UGGT1: variants seen among roughly 807,000 people sequenced by gnomAD.
UGGT1 encodes the protein UDP-glucose glycoprotein glucosyltransferase 1, also known as UDP-glucose:glycoprotein glucosyltransferase 1.
In UGGT1, 107 loss-of-function variants were observed where a neutral mutation model predicts 203.9. The ratio of observed to expected loss-of-function variants is 0.52; its 90% CI spans 0.45 to 0.62. The LOEUF is 0.62. UGGT1 is among the 20% of genes least tolerant of loss of function. The pLI is 0.00. For synonymous variants in UGGT1, 628 were observed against 653.5 expected, an observed-to-expected ratio of 0.96 and a Z score of 0.59; for missense variants, 1,673 against 1,867.2, an observed-to-expected ratio of 0.90 and a Z score of 1.92.
intron 5 of UGGT1, among the ~76,000 whole-genome samples, chr2:128,112,466 A>ATATATATATG (rs1400692529): frequency 8.0e-6 from 1 of 125,734 alleles, no homozygotes; most frequent in Non-Finnish European, 1.7e-5. Context: ...ATATATATAT[A>ATATATATATG]TATATATTAC....
chr2:128,172,970 G>A (rs913676892), intron 29 of UGGT1, among the ~76,000 whole-genome samples: 1 of 152,100 alleles, frequency 6.6e-6, no homozygotes, highest in Non-Finnish European at 1.5e-5. Context: ...GAGTTGTGCA[G>A]CCATCACCAC....
At chr2:128,163,065 T>C (rs1192738607) in intron 25 of UGGT1, among the ~76,000 whole-genome samples, 1 of 152,214 alleles carries the variant, frequency 6.6e-6, no homozygotes, top group African/African-American at 2.4e-5. Context: ...GAAGCTTGGC[T>C]GTGTATACTT....
At chr2:128,121,160 A>G in intron 9 of UGGT1, 39 bp from the exon 10 acceptor site, 2 of 1,569,004 alleles carry the variant, frequency 1.3e-6, no homozygotes, top group Non-Finnish European at 1.8e-6. Flanking sequence ...TCATTGCATT[A>G]GATTAATCCA....
At chr2:128,165,620 C>T (rs189322526) in intron 26 of UGGT1, among the ~76,000 whole-genome samples, 5 of 152,198 alleles carry the variant, frequency 3.3e-5, no homozygotes, top group Non-Finnish European at 1.5e-5. Context: ...TCGCTTGAAC[C>T]CAGGAGGTAG....
chr2:128,133,809 A>T (rs763440058), intron 14 of UGGT1, among the ~76,000 whole-genome samples: 2 of 152,154 alleles, frequency 1.3e-5, no homozygotes, highest in South Asian at 4.1e-4. Flanking sequence ...AGTTTAATTT[A>T]TTCCCTTAAA....
chr2:128,138,642 G>T lies in UGGT1; in HGVS notation c.1584-75G>T, dbSNP rs1689260422. The stretch of plus-strand genomic sequence containing the variant: ...CTGTTAGCTATAATGTATGAGAAGG[G>T]TACAAGGATGTCATTCTTTTTAACC... On this transcript the variant is annotated intron_variant, in intron 15 of 40. Coordinates refer to ENST00000259253, the MANE Select transcript of UGGT1 (RefSeq NM_020120.4). The T allele has an allele frequency of 1.6e-5, 25 of 1,532,072 alleles. No individual in the cohort carries two copies. The South Asian group carries it at 2.8e-4, about 17-fold the overall frequency. The allele number at this position is 1,532,072 out of a possible 1,614,324, so 94.9% of individuals were successfully genotyped here.
chr2:128,145,691 A>G, intron 17 of UGGT1, 112 bp from the exon 18 acceptor site: 2 of 961,810 alleles, frequency 2.1e-6, no homozygotes, highest in Non-Finnish European at 2.9e-6. Context: ...TTTTTTCTTT[A>G]CAATATTTCT....
chr2:128,188,383 A>G (rs968565245), intron 40 of UGGT1, among the ~76,000 whole-genome samples: 4 of 152,042 alleles, frequency 2.6e-5, no homozygotes, highest in Admixed American at 2.6e-4. Flanking sequence ...TGGGATGGAG[A>G]TGGAATGCTT....
intron 11 of UGGT1, among the ~76,000 whole-genome samples, chr2:128,126,944 A>G (rs1444703836): frequency 6.6e-6 from 1 of 152,066 alleles, no homozygotes; most frequent in East Asian, 1.9e-4. Flanking sequence ...TGGCCTCCCC[A>G]AGTGCTGAGA....
intron 6 of UGGT1, among the ~76,000 whole-genome samples, chr2:128,114,199 C>G (rs1573514602): frequency 6.6e-6 from 1 of 152,082 alleles, no homozygotes; most frequent in Admixed American, 6.6e-5. Context: ...CTCACTGCAA[C>G]CTCCGCCTCC....
At chr2:128,174,953 T>G (rs1159652310) in intron 31 of UGGT1, 95 bp downstream of exon 31, 2 of 1,042,862 alleles carry the variant, frequency 1.9e-6, no homozygotes, top group East Asian at 5.0e-5. Context: ...CCAGGCAACA[T>G]GAATTTAATT....
intron 1 of UGGT1, among the ~76,000 whole-genome samples, chr2:128,097,013 CTT>C (rs1315913342): frequency 1.3e-5 from 2 of 152,196 alleles, no homozygotes; most frequent in Non-Finnish European, 2.9e-5. Context: ...GTTTCGCTAA[CTT>C]ATGTTATTTT....
At chr2:128,184,021 G>A (rs1033111042) in intron 38 of UGGT1, among the ~76,000 whole-genome samples, 2 of 152,008 alleles carry the variant, frequency 1.3e-5, no homozygotes, top group Middle Eastern at 3.4e-3. Flanking sequence ...ATGCTGGCTG[G>A]GGAGAGAGAT....
In UGGT1 at chr2:128,124,274, C is replaced by T. The variant is rs189009626; in HGVS notation, c.1134+1028C>T. 1.2e-4 allele frequency among the ~76,000 whole-genome samples: 18 copies of T among 151,992 alleles called. No homozygotes were observed. The East Asian group carries it at 3.5e-3, about 29-fold the overall frequency. ...TTTCTACTTGTTTTTATTGATAGCT[C>T]GTTATACAATATTGGCAGGTTATAC... On this transcript the variant is annotated intron_variant, in intron 11 of 40. Transcript: ENST00000259253.
chr2:128,152,803 A>G lies in UGGT1; in HGVS notation c.2036A>G (p.Gln679Arg), dbSNP rs754526033. The change falls in exon 19 of 41, where the codon CAA becomes CGA. Residue 679 changes from glutamine (Q) to arginine (R), a missense_variant. By Grantham distance (43) the Gln-to-Arg change is conservative. Coordinates refer to ENST00000259253, the MANE Select transcript of UGGT1 (RefSeq NM_020120.4). Reference sequence around the variant, plus strand: ...TTGCAGGGTGAACTGCCCCATGATCAAGATGTGGTAGAGTATATCATGAAT... The same window carrying G: ...TTGCAGGGTGAACTGCCCCATGATCGAGATGTGGTAGAGTATATCATGAAT... The part of the protein sequence containing the change: ...AVYLGELPHD[Q>R]DVVEYIMNQP... 6.2e-7 allele frequency: 1 copy of G among 1,610,586 alleles called. No individual in the cohort carries two copies. The highest frequency in any genetic ancestry group is 8.5e-7 in the Non-Finnish European group (1 of 1,178,950).
intron 6 of UGGT1, among the ~76,000 whole-genome samples, chr2:128,114,663 C>T (rs939541880): frequency 6.6e-6 from 1 of 152,182 alleles, no homozygotes; most frequent in Non-Finnish European, 1.5e-5. Context: ...ACCTCACCAG[C>T]TTTCAACCCT....
chr2:128,130,873 G>T (rs896980351), intron 13 of UGGT1, among the ~76,000 whole-genome samples: 1 of 151,954 alleles, frequency 6.6e-6, no homozygotes, highest in Non-Finnish European at 1.5e-5. Context: ...CAATCCTCTT[G>T]CTTCAGCTTC....
At chr2:128,109,226 CAG>C (rs1232651264) in intron 4 of UGGT1, among the ~76,000 whole-genome samples, 3 of 151,846 alleles carry the variant, frequency 2.0e-5, no homozygotes, top group African/African-American at 4.8e-5. Flanking sequence ...TTTTTTGAGA[CAG>C]GGTCTTGTTC....
At chr2:128,095,352 C>T (rs1447100866) in intron 1 of UGGT1, among the ~76,000 whole-genome samples, 1 of 151,422 alleles carries the variant, frequency 6.6e-6, no homozygotes. Context: ...TCTTCTTCTT[C>T]TCCTTCCTCT....
Sources: gnomAD v4.1 joint callset for allele counts (sites outside exome capture counted in the v4.1 genomes callset) on GRCh38, gnomAD v4.1.1 for gene constraint, MANE v1.5 for transcripts, NCBI Gene and HGNC (gene_info 2026-07-23, HGNC 2026-07-21) for gene names.